Variants in RAB3C observed in about 807,000 individuals in gnomAD.
RAB3C encodes ras-related protein Rab-3C.
A neutral mutation model predicts 26.4 loss-of-function variants in RAB3C; 17 were observed. The ratio of observed to expected loss-of-function variants is 0.64; its 90% CI spans 0.44 to 0.97. The LOEUF (loss-of-function observed/expected upper bound fraction) is 0.97. Ranked by LOEUF, RAB3C falls within the 50% of genes least tolerant of loss-of-function variation. RAB3C has a pLI of 0.00. For missense variants in RAB3C, 242 were observed against 281.9 expected, an observed-to-expected ratio of 0.86 and a Z score of 1.01; for synonymous variants, 91 against 95.9, an observed-to-expected ratio of 0.95 and a Z score of 0.30.
At chr5:58,589,139 T>G (rs999270349) in intron 1 of RAB3C, among the ~76,000 whole-genome samples, 1 of 152,146 alleles carries the variant, frequency 6.6e-6, no homozygotes, top group African/African-American at 2.4e-5. Flanking sequence ...TTAACATAAG[T>G]GGGTGTCAAA....
At chr5:58,707,378 G>C (rs1462661780) in intron 2 of RAB3C, among the ~76,000 whole-genome samples, 2 of 152,162 alleles carry the variant, frequency 1.3e-5, no homozygotes, top group African/African-American at 4.8e-5. Flanking sequence ...TAAAGAAAGA[G>C]CAGCTAGGAG....
chr5:58,845,612 A>ATATATATATATATATATGTGTGTGTG lies in RAB3C; in HGVS notation c.497-5551_497-5550insATATATATATATATATGTGTGTGTGT. 1.8e-3 allele frequency among the ~76,000 whole-genome samples: 150 copies of ATATATATATATATATATGTGTGTGTG among 81,578 alleles called. 1 individual carries two copies. Among genetic ancestry groups the ATATATATATATATATATGTGTGTGTG allele is most frequent in the East Asian group, 3.3e-3 (14 of 4,224 alleles). 53.5% of individuals were successfully genotyped at this position (81,578 alleles called of 152,430 possible). Reference sequence around the variant, plus strand: ...ATTCTTACTATATATATATATATATATGTGTGTGTGTGTGTGTGTATATGT... The same window carrying ATATATATATATATATATGTGTGTGTG: ...ATTCTTACTATATATATATATATATATATATATATATATATATGTGTGTGTGTGTGTGTGTGTGTGTGTGTATATGT... On this transcript the variant is annotated intron_variant, in intron 4 of 4. Transcript: ENST00000282878.
At chr5:58,804,423 C>T (rs1322639689) in intron 3 of RAB3C, among the ~76,000 whole-genome samples, 1 of 152,178 alleles carries the variant, frequency 6.6e-6, no homozygotes, top group African/African-American at 2.4e-5. Context: ...CAGATTTCTT[C>T]CTTCACAGGC....
At chr5:58,783,069 A>G (rs542519006) in intron 3 of RAB3C, among the ~76,000 whole-genome samples, 29 of 151,966 alleles carry the variant, frequency 1.9e-4, no homozygotes, top group African/African-American at 6.8e-4. Context: ...CTTTGGATAT[A>G]TTTTTGTCAT....
chr5:58,652,962 GA>G (rs934415193), intron 2 of RAB3C, among the ~76,000 whole-genome samples: 13 of 151,740 alleles, frequency 8.6e-5, no homozygotes, highest in South Asian at 2.1e-4. Context: ...GCAATTTAGG[GA>G]AAAAAAAGCT....
chr5:58,840,579 G>T (rs1743855197), intron 4 of RAB3C, among the ~76,000 whole-genome samples: 1 of 152,042 alleles, frequency 6.6e-6, no homozygotes, highest in Non-Finnish European at 1.5e-5. Context: ...CTATGCACGT[G>T]GTAAAGTCAC....
intron 3 of RAB3C, among the ~76,000 whole-genome samples, chr5:58,806,132 C>T (rs768791882): frequency 3.9e-5 from 6 of 152,256 alleles, no homozygotes; most frequent in Non-Finnish European, 5.9e-5. Context: ...GACATTGAAA[C>T]CAGATTCCCT....
intron 1 of RAB3C, among the ~76,000 whole-genome samples, chr5:58,597,107 A>G (rs1746310117): frequency 1.6e-4 from 5 of 32,134 alleles, no homozygotes; most frequent in Admixed American, 6.9e-4. Flanking sequence ...TATATTATAT[A>G]ATATATATAA....
intron 1 of RAB3C, among the ~76,000 whole-genome samples, chr5:58,611,234 G>A (rs1746694033): frequency 6.6e-6 from 1 of 152,128 alleles, no homozygotes; most frequent in Non-Finnish European, 1.5e-5. Flanking sequence ...CTGGTCCTTT[G>A]GGTATATACC....
intron 2 of RAB3C, among the ~76,000 whole-genome samples, chr5:58,629,505 A>G (rs1406187790): frequency 6.6e-6 from 1 of 152,238 alleles, no homozygotes; most frequent in East Asian, 1.9e-4. Context: ...AAATAATGAC[A>G]TAGAAACAGG....
chr5:58,822,159 TC>T (rs1234776276), intron 3 of RAB3C, among the ~76,000 whole-genome samples: 1 of 152,238 alleles, frequency 6.6e-6, no homozygotes, highest in African/African-American at 2.4e-5. Context: ...CCTCTCAGCT[TC>T]CTGTAGATAA....
intron 4 of RAB3C, among the ~76,000 whole-genome samples, chr5:58,835,469 A>T (rs1036061595): frequency 1.3e-5 from 2 of 152,152 alleles, no homozygotes; most frequent in African/African-American, 4.8e-5. Context: ...TTACTTGTGG[A>T]TCAAAGCTTA....
At chr5:58,835,142 C>CTTTGTTT (rs1743709214) in intron 4 of RAB3C, among the ~76,000 whole-genome samples, 1 of 152,200 alleles carries the variant, frequency 6.6e-6, no homozygotes, top group African/African-American at 2.4e-5. Flanking sequence ...TCCACTTCCT[C>CTTTGTTT]TTTGTTTTTT....
intron 2 of RAB3C, among the ~76,000 whole-genome samples, chr5:58,669,154 CAA>C (rs960881800): frequency 6.6e-5 from 10 of 152,124 alleles, no homozygotes; most frequent in African/African-American, 1.4e-4. Context: ...TTTGGGGGGA[CAA>C]AATTTAGCCA....
rs530016394 is a variant in RAB3C at position 58,614,508 on chromosome 5, GAGTA to G, written c.25-3131_25-3128del. ...AAAAAAACCCATGAACAGTCTTCAAGAGTAAGTGAGTTAATAACTTTTCCTAATT... is the reference window on the plus strand; with the variant it reads ...AAAAAAACCCATGAACAGTCTTCAAGAGTGAGTTAATAACTTTTCCTAATT... On this transcript the variant is annotated intron_variant, in intron 1 of 4. Transcript: ENST00000282878. Among the ~76,000 whole-genome samples the G allele has an allele frequency of 2.1e-4, 32 of 152,048 alleles. 2 individuals carry two copies. Among genetic ancestry groups the G allele is most frequent in the East Asian group, 1.9e-3 (10 of 5,174 alleles).
At chr5:58,809,907 G>A (rs532186222) in intron 3 of RAB3C, among the ~76,000 whole-genome samples, 8 of 152,214 alleles carry the variant, frequency 5.3e-5, no homozygotes, top group African/African-American at 1.9e-4. Context: ...CTGCAAACTA[G>A]TAGACAGCTA....
chr5:58,769,121 C>T (rs994859986), intron 3 of RAB3C, among the ~76,000 whole-genome samples: 2 of 151,696 alleles, frequency 1.3e-5, no homozygotes, highest in Non-Finnish European at 2.9e-5. Flanking sequence ...TAGTTTTGGG[C>T]CCTGAGCTTC....
intron 2 of RAB3C, chr5:58,644,388 G>C (rs1000213217): frequency 6.6e-6 from 1 of 152,200 alleles, no homozygotes; most frequent in African/African-American, 2.4e-5. Flanking sequence ...AGAGTGCTGA[G>C]AGGATTTGAT....
intron 1 of RAB3C, among the ~76,000 whole-genome samples, chr5:58,602,853 G>A (rs1217852984): frequency 6.6e-6 from 1 of 152,092 alleles, no homozygotes. Flanking sequence ...TGTTAGTATT[G>A]AAATATGAGG....
Sources: gnomAD v4.1 joint callset for allele counts (sites outside exome capture counted in the v4.1 genomes callset) on GRCh38, gnomAD v4.1.1 for gene constraint, MANE v1.5 for transcripts, NCBI Gene and HGNC (gene_info 2026-07-23, HGNC 2026-07-21) for gene names.